RASEF: variants seen among roughly 807,000 people sequenced by gnomAD.
RASEF encodes the protein ras and EF-hand domain-containing protein.
RASEF carries 68 observed loss-of-function variants against 90.1 expected under a neutral mutation model. The ratio of observed to expected loss-of-function variants is 0.75; its 90% CI spans 0.62 to 0.92. RASEF has a LOEUF of 0.92. Ranked by LOEUF, RASEF falls within the 40% of genes least tolerant of loss-of-function variation. RASEF has a pLI of 0.00. For synonymous variants in RASEF, 331 were observed against 345.2 expected (o/e 0.96, Z 0.46); for missense variants, 949 against 937.2 (o/e 1.01, Z -0.16).
chr9:83,031,492 A>C (rs1814372569), intron 1 of RASEF, among the ~76,000 whole-genome samples: 1 of 152,176 alleles, frequency 6.6e-6, no homozygotes, highest in South Asian at 2.1e-4. Context: ...TATCCTATTT[A>C]CTGAGGAGGA....
intron 9 of RASEF, among the ~76,000 whole-genome samples, chr9:83,002,464 T>C (rs1452620324): frequency 6.6e-6 from 1 of 151,698 alleles, no homozygotes; most frequent in Non-Finnish European, 1.5e-5. Context: ...TGTGTGTTAA[T>C]ATACTGTTAA....
intron 1 of RASEF, among the ~76,000 whole-genome samples, chr9:83,056,206 C>G (rs1342247300): frequency 6.6e-6 from 1 of 152,144 alleles, no homozygotes; most frequent in Non-Finnish European, 1.5e-5. Flanking sequence ...TGAATATTTA[C>G]AAGTTGAAGC....
the RASEF span, among the ~76,000 whole-genome samples, chr9:83,097,851 G>A: frequency 5.3e-5 from 8 of 152,224 alleles, no homozygotes; most frequent in African/African-American, 9.6e-5. Flanking sequence ...TGTCATCGTC[G>A]TCATCGTCAT....
upstream of RASEF, among the ~76,000 whole-genome samples, chr9:83,064,791 G>C (rs898348517): frequency 6.6e-6 from 1 of 152,148 alleles, no homozygotes; most frequent in Admixed American, 6.5e-5. Flanking sequence ...AATTGGCCTG[G>C]CACAGTGGCT....
chr9:83,168,083 CA>C, the RASEF span, among the ~76,000 whole-genome samples: 4 of 152,046 alleles, frequency 2.6e-5, no homozygotes. Context: ...GAGGAACTGC[CA>C]AAATATTTTT....
the RASEF span, among the ~76,000 whole-genome samples, chr9:83,116,579 G>A: frequency 5.7e-3 from 867 of 152,198 alleles, 8 homozygotes; most frequent in African/African-American, 0.02. Flanking sequence ...AGTATTTATC[G>A]AGCACATGCT....
chr9:83,021,474 T>A (rs1204392838), intron 3 of RASEF, among the ~76,000 whole-genome samples: 18 of 152,184 alleles, frequency 1.2e-4, no homozygotes. Context: ...AAATATTTTA[T>A]AAAAAAATTA....
the RASEF span, among the ~76,000 whole-genome samples, chr9:83,199,416 C>T: frequency 4.2e-5 from 6 of 142,440 alleles, no homozygotes; most frequent in African/African-American, 1.2e-4. Flanking sequence ...CTAACTAACA[C>T]GGCCAGCCTG....
At chr9:83,088,345 T>C in the RASEF span, among the ~76,000 whole-genome samples, 1 of 148,602 alleles carries the variant, frequency 6.7e-6, no homozygotes, top group Non-Finnish European at 1.5e-5. Flanking sequence ...CTCTTATCTA[T>C]CTATATACAC....
At chr9:83,137,701 T>C in the RASEF span, among the ~76,000 whole-genome samples, 2 of 151,774 alleles carry the variant, frequency 1.3e-5, no homozygotes, top group African/African-American at 2.4e-5. Flanking sequence ...AAAGGTTATT[T>C]AGGCAGAGTC....
the RASEF span, among the ~76,000 whole-genome samples, chr9:83,181,666 C>A: frequency 6.6e-6 from 1 of 152,134 alleles, no homozygotes; most frequent in Non-Finnish European, 1.5e-5. Flanking sequence ...AAAGAGCAGG[C>A]ATTTCTATGT....
chr9:83,090,061 T>C, the RASEF span, among the ~76,000 whole-genome samples: 1 of 152,226 alleles, frequency 6.6e-6, no homozygotes, highest in Admixed American at 6.5e-5. Flanking sequence ...TCCTCAAACT[T>C]GATAATCTCA....
chr9:83,038,393 G>C (rs898079504), intron 1 of RASEF, among the ~76,000 whole-genome samples: 9 of 152,036 alleles, frequency 5.9e-5, no homozygotes, highest in African/African-American at 2.2e-4. Context: ...CTACACAGAA[G>C]AGTCAACTGC....
At chr9:83,083,426 C>T in the RASEF span, among the ~76,000 whole-genome samples, 49 of 152,084 alleles carry the variant, frequency 3.2e-4, no homozygotes, top group Non-Finnish European at 4.7e-4. Flanking sequence ...CAAGAAAACA[C>T]GAGAATCAAG....
Position 82,982,020 on chromosome 9 carries a change from C to T in RASEF, c.*657G>A, listed in dbSNP as rs550857972. The T allele has an allele frequency of 1.3e-5, 2 of 152,094 alleles. No individual in the cohort carries two copies. Among genetic ancestry groups the T allele is most frequent in the East Asian group, 3.9e-4 (2 of 5,190 alleles). The allele number at this position is 152,094 out of a possible 1,614,324, so 9.4% of individuals were successfully genotyped here. A position where few individuals can be genotyped will look rare whatever the true frequency, so the allele number is the denominator to read the frequency against. ...TTCCATTTTTTAATCAAATTCTGTCCTTATTTCAGAAGTGAGAAAAATCAA... is the reference window on the plus strand; with the variant it reads ...TTCCATTTTTTAATCAAATTCTGTCTTTATTTCAGAAGTGAGAAAAATCAA... On this transcript the variant is annotated 3_prime_UTR_variant, in exon 17 of 17. Transcript: ENST00000376447.
At chr9:83,075,357 A>T in the RASEF span, among the ~76,000 whole-genome samples, 1 of 152,148 alleles carries the variant, frequency 6.6e-6, no homozygotes, top group East Asian at 1.9e-4. Context: ...GTGTGCGTGT[A>T]TATGTTTTTA....
intron 12 of RASEF, 151 bp from the exon 13 acceptor site, chr9:82,998,597 A>C (rs1221878212): frequency 2.6e-5 from 15 of 579,934 alleles, no homozygotes; most frequent in Admixed American, 8.8e-5. Context: ...AGTGACCTTC[A>C]AATAGGAATG....
At chr9:83,185,520 A>G in the RASEF span, among the ~76,000 whole-genome samples, 1 of 152,134 alleles carries the variant, frequency 6.6e-6, no homozygotes, top group South Asian at 2.1e-4. Context: ...TCAGAAGAAA[A>G]GTCACTTTGA....
At chr9:83,056,970 A>C (rs1458144802) in intron 1 of RASEF, among the ~76,000 whole-genome samples, 1 of 152,208 alleles carries the variant, frequency 6.6e-6, no homozygotes, top group African/African-American at 2.4e-5. Flanking sequence ...CAAAATCTGA[A>C]AGCCAAAAAG....
Sources: gnomAD v4.1 joint callset for allele counts (sites outside exome capture counted in the v4.1 genomes callset) on GRCh38, gnomAD v4.1.1 for gene constraint, MANE v1.5 for transcripts, NCBI Gene and HGNC (gene_info 2026-07-23, HGNC 2026-07-21) for gene names.